Variants in NTM observed in about 807,000 individuals in gnomAD.
The protein encoded by NTM is neurotrimin.
NTM carries 13 observed loss-of-function variants against 42.1 expected under a neutral mutation model. The ratio of observed to expected loss-of-function variants is 0.31; its 90% CI spans 0.20 to 0.49. The LOEUF is 0.49. Among genes scored for constraint, NTM ranks in the 20% least tolerant of loss-of-function variants. NTM has a pLI of 0.99. For missense variants in NTM, 373 were observed against 452.8 expected, an observed-to-expected ratio of 0.82 and a Z score of 1.60; for synonymous variants, 187 against 179.2, an observed-to-expected ratio of 1.04 and a Z score of -0.35.
At chr11:131,536,639 A>T (rs532849397) in intron 1 of NTM, 2 of 152,220 alleles carry the variant, frequency 1.3e-5, no homozygotes, top group Non-Finnish European at 2.9e-5. Context: ...TCATCCATCA[A>T]TCTGACACTT....
chr11:131,816,810 G>C (rs1209564059), intron 1 of NTM, among the ~76,000 whole-genome samples: 3 of 151,532 alleles, frequency 2.0e-5, no homozygotes, highest in Admixed American at 1.3e-4. Context: ...AGGGCTTAGA[G>C]TTGAGGTTTT....
chr11:131,603,128 A>G (rs1008544907), intron 1 of NTM, among the ~76,000 whole-genome samples: 5 of 152,090 alleles, frequency 3.3e-5, no homozygotes, highest in Admixed American at 6.5e-5. Context: ...AATAAAATCC[A>G]AACTTCATTC....
chr11:131,832,948 A>C (rs1299458036), intron 1 of NTM, among the ~76,000 whole-genome samples: 3 of 152,244 alleles, frequency 2.0e-5, no homozygotes, highest in African/African-American at 7.2e-5. Context: ...TTTCTCCTTT[A>C]CTAATTGTGA....
chr11:131,638,147 C>A (rs2064652353), intron 1 of NTM, among the ~76,000 whole-genome samples: 1 of 152,140 alleles, frequency 6.6e-6, no homozygotes, highest in Middle Eastern at 3.2e-3. Context: ...TAGTAGTTAC[C>A]AATCACAGGA....
intron 1 of NTM, among the ~76,000 whole-genome samples, chr11:131,696,229 G>T (rs530428699): frequency 2.0e-5 from 3 of 152,314 alleles, no homozygotes; most frequent in East Asian, 3.9e-4. Flanking sequence ...CGTGATGACT[G>T]TGGAAGGATG....
At chr11:131,726,852 T>C (rs789546) in intron 1 of NTM, among the ~76,000 whole-genome samples, 21,023 of 151,362 alleles carry the variant, frequency 0.14, 1,906 homozygotes, top group South Asian at 0.22. Flanking sequence ...TAGCTGGGAA[T>C]ACAGGTGTGC....
At chr11:131,630,361 C>T (rs1278831453) in intron 1 of NTM, among the ~76,000 whole-genome samples, 2 of 152,144 alleles carry the variant, frequency 1.3e-5, no homozygotes, top group African/African-American at 2.4e-5. Flanking sequence ...GTGACTAATC[C>T]TAGCTTCAAA....
chr11:132,034,512 C>T (rs1411179976), intron 2 of NTM, among the ~76,000 whole-genome samples: 1 of 152,218 alleles, frequency 6.6e-6, no homozygotes, highest in Non-Finnish European at 1.5e-5. Context: ...AAGTGGGCAA[C>T]TGGATAGTGG....
At chr11:131,848,802 C>T (rs185700688) in intron 1 of NTM, among the ~76,000 whole-genome samples, 9 of 152,154 alleles carry the variant, frequency 5.9e-5, no homozygotes, top group Non-Finnish European at 8.8e-5. Context: ...AAACCTTCTC[C>T]TCCAAGTCCC....
At chr11:132,240,037 T>C (rs2089910944) in intron 4 of NTM, among the ~76,000 whole-genome samples, 1 of 148,992 alleles carries the variant, frequency 6.7e-6, no homozygotes, top group African/African-American at 2.4e-5. Flanking sequence ...CATTCATCCA[T>C]CATCCGTCCA....
intron 2 of NTM, among the ~76,000 whole-genome samples, chr11:132,092,750 A>G (rs1405594865): frequency 1.3e-5 from 2 of 152,216 alleles, no homozygotes; most frequent in Admixed American, 1.3e-4. Context: ...AACTGACAGT[A>G]TGATCTTTTC....
intron 1 of NTM, among the ~76,000 whole-genome samples, chr11:131,469,104 C>T (rs986512749): frequency 1.3e-5 from 2 of 152,164 alleles, no homozygotes; most frequent in Non-Finnish European, 2.9e-5. Flanking sequence ...TGTTGCAAAT[C>T]CAAGCTCCGT....
At chr11:132,004,367 C>T (rs1388998856) in intron 2 of NTM, among the ~76,000 whole-genome samples, 2 of 152,236 alleles carry the variant, frequency 1.3e-5, no homozygotes, top group African/African-American at 2.4e-5. Context: ...AAAGTAGAAG[C>T]TGGTTTCCAG....
intron 1 of NTM, among the ~76,000 whole-genome samples, chr11:131,787,390 A>AT (rs1020702795): frequency 1.1e-4 from 11 of 97,474 alleles, no homozygotes; most frequent in East Asian, 4.2e-4. Context: ...TTTTATTTTT[A>AT]TTTTTTTTGA....
chr11:131,803,437 T>C (rs937175708), intron 1 of NTM, among the ~76,000 whole-genome samples: 7 of 152,050 alleles, frequency 4.6e-5, no homozygotes, highest in Admixed American at 3.3e-4. Flanking sequence ...GCCTCCCAAG[T>C]AGCTGGGACT....
At chr11:132,171,599 A>G (rs2076129442) in intron 3 of NTM, among the ~76,000 whole-genome samples, 1 of 152,178 alleles carries the variant, frequency 6.6e-6, no homozygotes, top group East Asian at 1.9e-4. Flanking sequence ...TAGGATGTCG[A>G]TATATGACTT....
rs769713556 is a variant in NTM, at chr11:131,759,669, A to ATT, written c.83-151882_83-151881dup. On this transcript the variant is annotated intron_variant, in intron 1 of 8. Coordinates refer to ENST00000683400, the MANE Select transcript of NTM (RefSeq NM_001352005.2). ...AGCTAGTTGCCTGAAAGTGCTCAAG[A>ATT]TTTTTTTTTTTTTTAATGATTTTAT... Among the ~76,000 whole-genome samples the ATT allele has an allele frequency of 7.2e-4, 103 of 143,324 alleles. 1 individual carries two copies. Among genetic ancestry groups the ATT allele is most frequent in the African/African-American group, 2.5e-3 (98 of 39,072 alleles). The allele number at this position is 143,324 out of a possible 152,430, so 94.0% of individuals were successfully genotyped here.
chr11:131,487,702 T>C lies in NTM; in HGVS notation c.82+116814T>C, dbSNP rs1268163807. Reference sequence around the variant, plus strand: ...GAATGTGGAGACACTCAGTGGTTTGTAAACAAGAAAGCTCTTGCTACCCCT... The same window carrying C: ...GAATGTGGAGACACTCAGTGGTTTGCAAACAAGAAAGCTCTTGCTACCCCT... On this transcript the variant is annotated intron_variant, in intron 1 of 8. Coordinates refer to ENST00000683400, the MANE Select transcript of NTM (RefSeq NM_001352005.2). 1.2e-3 allele frequency among the ~76,000 whole-genome samples: 183 copies of C among 152,158 alleles called. 3 individuals are homozygous for C. The highest frequency in any genetic ancestry group is 0.012 in the Admixed American group (183 of 15,282).
At chr11:131,471,327 C>G (rs372633797) in intron 1 of NTM, among the ~76,000 whole-genome samples, 2 of 152,288 alleles carry the variant, frequency 1.3e-5, no homozygotes, top group Admixed American at 1.3e-4. Flanking sequence ...CCAGTTTTTA[C>G]GGAGTGCTCT....
Sources: gnomAD v4.1 joint callset for allele counts (sites outside exome capture counted in the v4.1 genomes callset) on GRCh38, gnomAD v4.1.1 for gene constraint, MANE v1.5 for transcripts, NCBI Gene and HGNC (gene_info 2026-07-23, HGNC 2026-07-21) for gene names.